The following ERICH5 variants were observed in gnomAD, a reference collection of about 807,000 sequenced individuals.
The protein encoded by ERICH5 is glutamate-rich protein 5.
A neutral mutation model predicts 28.0 loss-of-function variants in ERICH5; 24 were observed. That is an observed-to-expected ratio of 0.86 (90% confidence interval 0.62 to 1.21). The LOEUF (loss-of-function observed/expected upper bound fraction) is 1.21, where lower values mean the gene tolerates loss of function less well. ERICH5 is among the 50% of genes most tolerant of loss of function. The pLI, the probability that ERICH5 is intolerant of heterozygous loss-of-function variation, is 0.00. For missense variants in ERICH5, 421 were observed against 441.2 expected (o/e 0.95, Z 0.41); for synonymous variants, 163 against 157.6 (o/e 1.03, Z -0.25).
chr8:98,093,384 T>A lies in ERICH5; in HGVS notation c.*51T>A. ...GTTATCATAGAGGAGACAAAAATGG[T>A]AGTGAAGCTTGTGGTTATGTATCTT... On this transcript the variant is annotated 3_prime_UTR_variant, in exon 3 of 3. Transcript: ENST00000318528. 1 of 1,267,210 alleles carries A rather than the reference T, an allele frequency of 7.9e-7. No homozygotes were observed. Among genetic ancestry groups the A allele is most frequent in the Non-Finnish European group, 1.1e-6 (1 of 879,424 alleles). 78.5% of individuals were successfully genotyped at this position (1,267,210 alleles called of 1,614,324 possible).
Position 98,089,481 on chromosome 8 carries a change from A to G in ERICH5, c.464A>G (p.Glu155Gly). ...GNAEAQPLGP[E>G]AKGQPLQAAV... ...GCTGAAGCTCAGCCTTTAGGACCAG[A>G]AGCCAAGGGTCAGCCTTTGCAGGCA... Residue 155 changes from glutamate to glycine, a missense_variant, in exon 2 of 3, where the codon GAA becomes GGA. Glu to Gly is a moderately conservative substitution (Grantham distance 98, BLOSUM62 -2). Coordinates refer to ENST00000318528, the MANE Select transcript of ERICH5 (RefSeq NM_173549.3). 2 of 1,614,214 alleles carry G rather than the reference A, an allele frequency of 1.2e-6. No homozygotes were observed. Among genetic ancestry groups the G allele is most frequent in the South Asian group, 2.2e-5 (2 of 91,084 alleles).
chr8:98,073,303 G>A (rs1356721708), intron 1 of ERICH5, among the ~76,000 whole-genome samples: 2 of 148,586 alleles, frequency 1.3e-5, no homozygotes, highest in East Asian at 2.0e-4. Context: ...GGCCAGGAAC[G>A]GTGACTCATG....
In ERICH5 at chr8:98,064,660, G is replaced by C; in HGVS notation, c.-10G>C. On this transcript the variant is annotated 5_prime_UTR_variant, in exon 1 of 3. Coordinates refer to ENST00000318528, the MANE Select transcript of ERICH5 (RefSeq NM_173549.3). ...GCGCAGGGCTGAGACAGGTGTCTGC[G>C]CTCCCCGCAATGGGCTGCTCCAGCA... is the stretch of plus-strand genomic sequence containing the variant. 6.6e-7 allele frequency: 1 copy of C among 1,526,658 alleles called. No homozygotes were observed. Among genetic ancestry groups the C allele is most frequent in the Non-Finnish European group, 8.8e-7 (1 of 1,135,650 alleles). 94.6% of individuals were successfully genotyped at this position (1,526,658 alleles called of 1,614,324 possible).
At chr8:98,091,900 C>CTTTCCTTT in intron 2 of ERICH5, among the ~76,000 whole-genome samples, 1,578 of 74,416 alleles carry the variant, frequency 0.021, 26 homozygotes, top group Admixed American at 0.027. Flanking sequence ...TTCTTTCTTT[C>CTTTCCTTT]CTTTCTTTCT....
intron 2 of ERICH5, among the ~76,000 whole-genome samples, chr8:98,091,935 TC>T (rs757563013): frequency 0.27 from 23,175 of 86,804 alleles, 3,729 homozygotes; most frequent in Non-Finnish European, 0.29. Context: ...CTTTCTTTCT[TC>T]CTTTCTTTCT....
intron 1 of ERICH5, among the ~76,000 whole-genome samples, chr8:98,071,974 C>T (rs76279887): frequency 0.024 from 3,689 of 151,220 alleles, 141 homozygotes; most frequent in African/African-American, 0.084. Context: ...TCTCAAACTC[C>T]AGGCTTCAAG....
chr8:98,067,466 A>G (rs987289341), intron 1 of ERICH5, among the ~76,000 whole-genome samples: 1 of 151,886 alleles, frequency 6.6e-6, no homozygotes, highest in Non-Finnish European at 1.5e-5. Flanking sequence ...AAAAAAAAAA[A>G]AAAAGAAACT....
chr8:98,073,437 T>C, intron 1 of ERICH5, among the ~76,000 whole-genome samples: 1 of 15,958 alleles, frequency 6.3e-5, no homozygotes, highest in African/African-American at 5.2e-4. Context: ...TCTCTCTATA[T>C]ATATATATAT....
At chr8:98,083,270 T>G (rs965811400) in intron 1 of ERICH5, among the ~76,000 whole-genome samples, 4 of 152,210 alleles carry the variant, frequency 2.6e-5, no homozygotes, top group Non-Finnish European at 5.9e-5. Flanking sequence ...GATTAGTACA[T>G]TAACACATTT....
At chr8:98,073,432 C>CTCTCTCTCTCTCTG (rs1308514320) in intron 1 of ERICH5, among the ~76,000 whole-genome samples, 1 of 15,040 alleles carries the variant, frequency 6.6e-5, no homozygotes, top group African/African-American at 2.5e-4. Flanking sequence ...CTCTCTCTCT[C>CTCTCTCTCTCTCTG]TATATATATA....
At position 98,078,142 on chromosome 8, in the gene ERICH5, G is replaced by T. The variant is rs144150418; in HGVS notation, c.59-10934G>T. Reference sequence around the variant, plus strand: ...ACCAGCTGATGGAATGCACACTTGGGAATTAGCATTTGTGCCATGGCACAG... The same window carrying T: ...ACCAGCTGATGGAATGCACACTTGGTAATTAGCATTTGTGCCATGGCACAG... On this transcript the variant is annotated intron_variant, in intron 1 of 2. Transcript: ENST00000318528. 1.8e-3 allele frequency among the ~76,000 whole-genome samples: 272 copies of T among 152,294 alleles called. 4 individuals are homozygous for T. In the East Asian group the frequency reaches 0.042, roughly 23 times the overall value.
At position 98,080,369 on chromosome 8, in the gene ERICH5, A is replaced by G. The variant is rs576721155; in HGVS notation, c.59-8707A>G. On this transcript the variant is annotated intron_variant, in intron 1 of 2. Coordinates refer to ENST00000318528, the MANE Select transcript of ERICH5 (RefSeq NM_173549.3). ...CACACCCAGTGCTAGAACAGTCTCA[A>G]TGCTCTGCTTTAGGCTAGAGGGAAG... is the stretch of plus-strand genomic sequence containing the variant. Among the ~76,000 whole-genome samples the G allele has an allele frequency of 2.6e-5, 4 of 152,314 alleles. No homozygotes were observed. The South Asian group carries it at 6.2e-4, about 24-fold the overall frequency.
chr8:98,092,386 C>A (rs1030792633), intron 2 of ERICH5, among the ~76,000 whole-genome samples: 1 of 152,180 alleles, frequency 6.6e-6, no homozygotes, highest in African/African-American at 2.4e-5. Flanking sequence ...CGGTCTCAGA[C>A]CCTAGGCTCA....
chr8:98,085,136 C>CTTT lies in ERICH5; in HGVS notation c.59-3900_59-3898dup, dbSNP rs760470751. On this transcript the variant is annotated intron_variant, in intron 1 of 2. Coordinates refer to ENST00000318528, the MANE Select transcript of ERICH5 (RefSeq NM_173549.3). ...TTCCCTGGTGTGAACGTTCCACAGC[C>CTTT]TTTTTTTTTTTTTTTTTTTTTTTTT... 7.0e-5 allele frequency among the ~76,000 whole-genome samples: 4 copies of CTTT among 57,318 alleles called. 1 individual carries two copies. Among genetic ancestry groups the CTTT allele is most frequent in the Non-Finnish European group, 1.1e-4 (3 of 28,402 alleles). The allele number at this position is 57,318 out of a possible 152,430, so 37.6% of individuals were successfully genotyped here.
intron 1 of ERICH5, among the ~76,000 whole-genome samples, chr8:98,067,523 C>G (rs111600027): frequency 0.01 from 1,577 of 151,892 alleles, 32 homozygotes; most frequent in African/African-American, 0.036. Context: ...TCTGTTTTTG[C>G]CTCAGATCAC....
Position 98,089,467 on chromosome 8 carries a change from G to A in ERICH5, c.450G>A (p.Gln150=). Residue 150 remains glutamine (Q), a synonymous_variant, in exon 2 of 3, where the codon CAG becomes CAA. Transcript: ENST00000318528. The part of the protein sequence containing the change: ...AESLKGNAEA[Q]PLGPEAKGQP... The stretch of plus-strand genomic sequence containing the variant: ...CTCTAAAAGGAAATGCTGAAGCTCA[G>A]CCTTTAGGACCAGAAGCCAAGGGTC... The A allele has an allele frequency of 6.2e-7, 1 of 1,614,226 alleles. No individual in the cohort carries two copies. The highest frequency in any genetic ancestry group is 8.5e-7 in the Non-Finnish European group (1 of 1,180,038).
At chr8:98,073,092 T>G (rs1025807484) in intron 1 of ERICH5, among the ~76,000 whole-genome samples, 1 of 152,068 alleles carries the variant, frequency 6.6e-6, no homozygotes, top group Admixed American at 6.6e-5. Flanking sequence ...AAAGACAGTA[T>G]AGAGTGCTGA....
Position 98,089,391 on chromosome 8 carries a change from C to T in ERICH5, c.374C>T (p.Pro125Leu). ...PPQPGGKEDA[P>L]AAEGKKKDAG... is the part of the protein sequence containing the mutation. ...CAACCAGGTGGCAAAGAGGATGCCC[C>T]AGCAGCAGAAGGAAAGAAGAAAGAT... The change falls in exon 2 of 3, where the codon CCA becomes CTA. Residue 125 changes from proline (P) to leucine (L), a missense_variant. Physicochemically the swap from Pro to Leu is moderately conservative, Grantham distance 98. Coordinates refer to ENST00000318528, the MANE Select transcript of ERICH5 (RefSeq NM_173549.3). 6.2e-7 allele frequency: 1 copy of T among 1,614,212 alleles called. No homozygotes were observed. The highest frequency in any genetic ancestry group is 1.7e-5 in the Admixed American group (1 of 60,022).
In ERICH5 at chr8:98,089,318, A is replaced by G. The variant is rs1218055075; in HGVS notation, c.301A>G (p.Thr101Ala). ...GRDATDQSGSTEKTQPGEGLE... is the reference protein window; with the variant it reads ...GRDATDQSGSAEKTQPGEGLE... Reference sequence around the variant, plus strand: ...GGATGCCACAGACCAATCAGGGTCCACAGAAAAGACTCAGCCTGGAGAGGG... The same window carrying G: ...GGATGCCACAGACCAATCAGGGTCCGCAGAAAAGACTCAGCCTGGAGAGGG... The change falls in exon 2 of 3, where the codon ACA becomes GCA. Residue 101 changes from threonine to alanine, a missense_variant. Thr to Ala is a moderately conservative substitution (Grantham distance 58). Coordinates refer to ENST00000318528, the MANE Select transcript of ERICH5 (RefSeq NM_173549.3). The G allele has an allele frequency of 6.2e-7, 1 of 1,614,274 alleles. No individual in the cohort carries two copies.
Sources: allele counts gnomAD v4.1 joint callset (sites outside exome capture counted in the v4.1 genomes callset), GRCh38; gene constraint gnomAD v4.1.1; transcripts MANE v1.5; gene names NCBI Gene and HGNC (gene_info 2026-07-23, HGNC 2026-07-21).